GLIS3: variants seen among roughly 807,000 people sequenced by gnomAD.
GLIS3 encodes zinc finger protein GLIS3.
GLIS3 carries 53 observed loss-of-function variants against 78.6 expected under a neutral mutation model. The ratio of observed to expected loss-of-function variants is 0.67; its 90% CI spans 0.54 to 0.85. The LOEUF is 0.85. GLIS3 is among the 40% of genes least tolerant of loss of function. The pLI is 0.00. For synonymous variants in GLIS3, 684 were observed against 509.9 expected (o/e 1.34, Z -4.60); for missense variants, 1,703 against 1,231.1 (o/e 1.38, Z -5.74).
At chr9:4,020,647 T>C (rs536941179) in intron 4 of GLIS3, among the ~76,000 whole-genome samples, 37 of 152,344 alleles carry the variant, frequency 2.4e-4, no homozygotes, top group African/African-American at 8.7e-4. Context: ...TCTTGAGATG[T>C]AACAGATTTT....
the GLIS3 span, among the ~76,000 whole-genome samples, chr9:4,388,528 T>C: frequency 6.6e-6 from 1 of 151,326 alleles, no homozygotes; most frequent in South Asian, 2.1e-4. Context: ...ATACAAAAAT[T>C]AGCCAGGCGT....
intron 2 of GLIS3, among the ~76,000 whole-genome samples, chr9:4,133,450 A>C (rs1441375357): frequency 3.3e-5 from 5 of 152,230 alleles, no homozygotes; most frequent in Non-Finnish European, 7.3e-5. Context: ...TACTAAAAAC[A>C]GACAGAAAAG....
chr9:4,238,457 T>C (rs559096333), intron 2 of GLIS3, among the ~76,000 whole-genome samples: 1 of 152,258 alleles, frequency 6.6e-6, no homozygotes, highest in East Asian at 1.9e-4. Context: ...CTTCCTGAAA[T>C]ACACCTAGAC....
intron 4 of GLIS3, among the ~76,000 whole-genome samples, chr9:4,096,489 A>C (rs1323637854): frequency 6.6e-6 from 1 of 152,188 alleles, no homozygotes; most frequent in Non-Finnish European, 1.5e-5. Flanking sequence ...ATAATTTTTA[A>C]AGGTGGGGTT....
chr9:4,393,585 CTCAG>C, the GLIS3 span, among the ~76,000 whole-genome samples: 1 of 152,152 alleles, frequency 6.6e-6, no homozygotes, highest in Non-Finnish European at 1.5e-5. Context: ...GGAACAGTTT[CTCAG>C]TCATTCTTTC....
At chr9:4,109,885 A>C (rs1302334923) in intron 4 of GLIS3, among the ~76,000 whole-genome samples, 2 of 152,192 alleles carry the variant, frequency 1.3e-5, no homozygotes, top group Non-Finnish European at 2.9e-5. Flanking sequence ...CTCTGTAAGA[A>C]TTACTGTCTT....
intron 4 of GLIS3, among the ~76,000 whole-genome samples, chr9:4,041,400 C>G (rs1824800000): frequency 6.6e-6 from 1 of 152,172 alleles, no homozygotes; most frequent in Admixed American, 6.5e-5. Context: ...AGAAGCCTTG[C>G]TTTAGGCAAA....
chr9:4,276,564 G>GGGGGAAGGGA (rs1563882143), intron 2 of GLIS3, among the ~76,000 whole-genome samples: 1 of 111,524 alleles, frequency 9.0e-6, no homozygotes, highest in Non-Finnish European at 1.9e-5. Context: ...GAGGGGAGGG[G>GGGGGAAGGGA]AGGGAAGAGA....
chr9:4,055,644 G>A (rs115467366), intron 4 of GLIS3, among the ~76,000 whole-genome samples: 2,237 of 152,256 alleles, frequency 0.015, 59 homozygotes, highest in African/African-American at 0.051. Flanking sequence ...TCAAAGCCCC[G>A]CAGAGGAAAC....
At chr9:4,044,324 C>T (rs929331465) in intron 4 of GLIS3, among the ~76,000 whole-genome samples, 5 of 152,148 alleles carry the variant, frequency 3.3e-5, no homozygotes, top group African/African-American at 9.7e-5. Context: ...CAGATCTGTA[C>T]GAAGACTGTA....
the GLIS3 span, among the ~76,000 whole-genome samples, chr9:4,362,244 CCTTA>C: frequency 7.9e-5 from 12 of 151,400 alleles, no homozygotes; most frequent in African/African-American, 2.2e-4. Context: ...GGATTTTTTT[CCTTA>C]CTTCTTTCCT....
the GLIS3 span, among the ~76,000 whole-genome samples, chr9:4,439,368 A>C: frequency 3.0e-3 from 462 of 152,246 alleles, 4 homozygotes; most frequent in African/African-American, 0.011. Context: ...CGTTTTCCTC[A>C]TCCAATAAAC....
intron 4 of GLIS3, among the ~76,000 whole-genome samples, chr9:4,306,479 C>G (rs1398184799): frequency 2.0e-5 from 3 of 152,166 alleles, no homozygotes; most frequent in Admixed American, 2.0e-4. Flanking sequence ...ACAACTGCCT[C>G]GAACAGCCAG....
chr9:3,993,356 A>T (rs1424072766), intron 4 of GLIS3, among the ~76,000 whole-genome samples: 1 of 152,198 alleles, frequency 6.6e-6, no homozygotes, highest in Non-Finnish European at 1.5e-5. Flanking sequence ...CTACCACTTT[A>T]AAAGTAGCTT....
chr9:4,378,868 C>G, the GLIS3 span, among the ~76,000 whole-genome samples: 9 of 152,138 alleles, frequency 5.9e-5, no homozygotes, highest in Non-Finnish European at 8.8e-5. Flanking sequence ...GCATGGCCGA[C>G]CTGGAGACTG....
At chr9:4,257,339 T>G (rs6476830) in intron 2 of GLIS3, among the ~76,000 whole-genome samples, 10 of 151,948 alleles carry the variant, frequency 6.6e-5, no homozygotes, top group Non-Finnish European at 4.4e-5. Flanking sequence ...GGTGGGGATG[T>G]GAGATGCAAG....
the GLIS3 span, among the ~76,000 whole-genome samples, chr9:4,353,616 G>C: frequency 6.6e-6 from 1 of 152,084 alleles, no homozygotes; most frequent in African/African-American, 2.4e-5. Context: ...CGGGTCCAAA[G>C]TCAAGAAGTT....
At chr9:4,464,677 G>T in the GLIS3 span, among the ~76,000 whole-genome samples, 1 of 152,148 alleles carries the variant, frequency 6.6e-6, no homozygotes, top group Non-Finnish European at 1.5e-5. Flanking sequence ...TTACAGGCAT[G>T]AGCCACCATG....
chr9:4,458,090 G>A, the GLIS3 span, among the ~76,000 whole-genome samples: 3 of 152,062 alleles, frequency 2.0e-5, no homozygotes, highest in Admixed American at 6.6e-5. Context: ...AGGAAAAACT[G>A]GAGACTCAAG....
Sources: gnomAD v4.1 joint callset for allele counts (sites outside exome capture counted in the v4.1 genomes callset) on GRCh38, gnomAD v4.1.1 for gene constraint, MANE v1.5 for transcripts, NCBI Gene and HGNC (gene_info 2026-07-23, HGNC 2026-07-21) for gene names.